BZW2: variants seen among roughly 807,000 people sequenced by gnomAD.
BZW2 encodes eIF5-mimic protein 1.
A neutral mutation model predicts 53.2 loss-of-function variants in BZW2; 23 were observed. The observed-to-expected ratio is 0.43, with a 90% CI of 0.31 to 0.61. The LOEUF is 0.61. BZW2 is among the 20% of genes least tolerant of loss of function. The pLI, the probability that BZW2 is intolerant of heterozygous loss-of-function variation, is 0.09. For missense variants in BZW2, 409 were observed against 503.1 expected (o/e 0.81, Z 1.79); for synonymous variants, 227 against 186.4 (o/e 1.22, Z -1.77).
At chr7:16,695,050 G>T in intron 8 of BZW2, 46 bp downstream of exon 8, 1 of 1,459,342 alleles carries the variant, frequency 6.9e-7, no homozygotes, top group Non-Finnish European at 9.2e-7. Context: ...ATGAATGAGA[G>T]GAATTACATG....
chr7:16,675,202 A>C (rs957852411), intron 3 of BZW2, among the ~76,000 whole-genome samples: 1 of 151,918 alleles, frequency 6.6e-6, no homozygotes, highest in Non-Finnish European at 1.5e-5. Context: ...ATAGCCACCC[A>C]TTTTTCCTCT....
intron 2 of BZW2, 98 bp downstream of exon 2, chr7:16,665,599 G>A (rs1782399645): frequency 7.1e-6 from 11 of 1,540,868 alleles, no homozygotes; most frequent in Non-Finnish European, 9.7e-6. Context: ...CAGCCTCACT[G>A]ATTCTACTCA....
At chr7:16,687,239 T>G (rs1036617689) in intron 6 of BZW2, 3 of 152,188 alleles carry the variant, frequency 2.0e-5, no homozygotes, top group Non-Finnish European at 2.9e-5. Context: ...TGAATGTTCA[T>G]TGTTCAATTT....
intron 8 of BZW2, among the ~76,000 whole-genome samples, chr7:16,696,656 C>A (rs1044207455): frequency 1.3e-5 from 2 of 152,198 alleles, no homozygotes; most frequent in Non-Finnish European, 2.9e-5. Context: ...AAACAAAAAT[C>A]CTCTCTTACT....
intron 2 of BZW2, among the ~76,000 whole-genome samples, chr7:16,671,462 A>C (rs1782596199): frequency 6.6e-6 from 1 of 152,202 alleles, no homozygotes; most frequent in Admixed American, 6.5e-5. Flanking sequence ...TTAATACAAA[A>C]CACTTAAGGA....
intron 1 of BZW2, among the ~76,000 whole-genome samples, chr7:16,646,847 C>G (rs117894621): frequency 0.017 from 2,610 of 152,242 alleles, 38 homozygotes; most frequent in Non-Finnish European, 0.025. Flanking sequence ...TACACTTGCA[C>G]TAATACTTCG....
At chr7:16,670,808 A>T (rs1782576000) in intron 2 of BZW2, among the ~76,000 whole-genome samples, 1 of 152,170 alleles carries the variant, frequency 6.6e-6, no homozygotes, top group Non-Finnish European at 1.5e-5. Context: ...CATGTTCTTG[A>T]CTGCATAATG....
At chr7:16,660,257 T>C (rs1782219615) in intron 1 of BZW2, among the ~76,000 whole-genome samples, 1 of 151,960 alleles carries the variant, frequency 6.6e-6, no homozygotes, top group African/African-American at 2.4e-5. Context: ...TATCAAAATA[T>C]ATAAAAAATT....
chr7:16,692,424 G>A (rs143165764), intron 7 of BZW2, among the ~76,000 whole-genome samples: 57 of 152,034 alleles, frequency 3.7e-4, no homozygotes, highest in Non-Finnish European at 7.2e-4. Flanking sequence ...CAGGAGAGTG[G>A]GCCATAAACT....
intron 2 of BZW2, among the ~76,000 whole-genome samples, chr7:16,672,672 C>A (rs1375996446): frequency 6.6e-6 from 1 of 152,158 alleles, no homozygotes. Context: ...AGACCCTTTA[C>A]CTTTAATCCA....
At chr7:16,665,409 A>G (rs779766861) in intron 1 of BZW2, 28 bp from the exon 2 acceptor site, 2 of 1,613,780 alleles carry the variant, frequency 1.2e-6, no homozygotes, top group Admixed American at 1.7e-5. Flanking sequence ...TATCTGAAAT[A>G]CATAATCTTT....
At chr7:16,667,800 A>G (rs1782475966) in intron 2 of BZW2, among the ~76,000 whole-genome samples, 1 of 152,156 alleles carries the variant, frequency 6.6e-6, no homozygotes, top group African/African-American at 2.4e-5. Flanking sequence ...TTTCTGGCCT[A>G]TCCGCATGAG....
At chr7:16,705,456 C>A (rs527634185) in intron 11 of BZW2, among the ~76,000 whole-genome samples, 53 of 152,020 alleles carry the variant, frequency 3.5e-4, no homozygotes, top group African/African-American at 1.3e-3. Context: ...GAGGCCAAGG[C>A]GGGCAGATCA....
chr7:16,696,837 A>T (rs1330953675), intron 8 of BZW2, 78 bp from the exon 9 acceptor site: 10 of 1,484,198 alleles, frequency 6.7e-6, no homozygotes, highest in Non-Finnish European at 7.4e-6. Flanking sequence ...CAAAACCTTG[A>T]TTGACTGGGC....
At chr7:16,686,847 C>A (rs946838107) in intron 6 of BZW2, 10 of 152,144 alleles carry the variant, frequency 6.6e-5, no homozygotes, top group African/African-American at 2.2e-4. Context: ...TGGTCTTATT[C>A]AGAGACTCTT....
intron 1 of BZW2, among the ~76,000 whole-genome samples, chr7:16,651,354 T>C (rs932706201): frequency 2.6e-5 from 4 of 152,262 alleles, no homozygotes; most frequent in Non-Finnish European, 5.9e-5. Context: ...CGTTTAGCAC[T>C]GTAGAGAATA....
chr7:16,670,623 A>G (rs887192123), intron 2 of BZW2, among the ~76,000 whole-genome samples: 2 of 152,236 alleles, frequency 1.3e-5, no homozygotes, highest in Non-Finnish European at 2.9e-5. Flanking sequence ...CCTGTTGGCT[A>G]GACCCTGAGT....
chr7:16,674,584 G>A lies in BZW2; in HGVS notation c.231G>A (p.Met77Ile). ...TCGATATCCTGGTGGCTGGCAGTATGCTTGGTAAACCATGCATTATCGCTT... is the reference window on the plus strand; with the variant it reads ...TCGATATCCTGGTGGCTGGCAGTATACTTGGTAAACCATGCATTATCGCTT... ...TLFDILVAGS[M>I]LAPGGTRIDD... The change falls in exon 3 of 12, where the codon ATG (methionine) becomes ATA (isoleucine). Residue 77 changes from methionine (M) to isoleucine (I), a missense_variant. By Grantham distance (10) the Met-to-Ile change is conservative. Around this residue, in one of 3 missense-constraint regions of BZW2, gnomAD observed 316 missense variants for 366.8 expected, o/e 0.86. Transcript: ENST00000258761. 2 of 1,595,226 alleles carry A rather than the reference G, an allele frequency of 1.3e-6. No homozygotes were observed. Among genetic ancestry groups the A allele is most frequent in the Non-Finnish European group, 1.7e-6 (2 of 1,170,038 alleles).
intron 3 of BZW2, among the ~76,000 whole-genome samples, chr7:16,677,351 G>T (rs1268446629): frequency 2.6e-5 from 4 of 152,062 alleles, no homozygotes. Flanking sequence ...CTAGGCTTAG[G>T]GATTCTTAGT....
Sources: allele counts gnomAD v4.1 joint callset (sites outside exome capture counted in the v4.1 genomes callset), GRCh38; gene constraint gnomAD v4.1.1; regional missense constraint gnomAD v4.1.1; transcripts MANE v1.5; gene names NCBI Gene and HGNC (gene_info 2026-07-23, HGNC 2026-07-21).